The following C2orf80 variants were observed in gnomAD, a reference collection of about 807,000 sequenced individuals.
The protein encoded by C2orf80 is uncharacterized protein C2orf80.
C2orf80 carries 28 observed loss-of-function variants against 30.2 expected under a neutral mutation model. The ratio of observed to expected loss-of-function variants is 0.93; its 90% CI spans 0.69 to 1.27. The LOEUF (loss-of-function observed/expected upper bound fraction) is 1.27, where lower values mean the gene tolerates loss of function less well. Ranked by LOEUF, C2orf80 falls within the 50% of genes most tolerant of loss-of-function variation. C2orf80 has a pLI of 0.00. For missense variants in C2orf80, 220 were observed against 231.0 expected, an observed-to-expected ratio of 0.95 and a Z score of 0.31; for synonymous variants, 80 against 76.4, an observed-to-expected ratio of 1.05 and a Z score of -0.24.
At chr2:208,175,376 A>T (rs1335415617) in intron 6 of C2orf80, among the ~76,000 whole-genome samples, 1 of 152,056 alleles carries the variant, frequency 6.6e-6, no homozygotes, top group African/African-American at 2.4e-5. Context: ...CTTTAGTTGA[A>T]TTTTTTCTAT....
At chr2:208,172,144 G>T in intron 6 of C2orf80, 69 bp from the exon 7 acceptor site, 1 of 1,206,082 alleles carries the variant, frequency 8.3e-7, no homozygotes, top group Non-Finnish European at 1.2e-6. Flanking sequence ...GCTAGTCACA[G>T]CATTTGGCCT....
intron 6 of C2orf80, among the ~76,000 whole-genome samples, chr2:208,176,964 TGTATAC>T (rs1696354593): frequency 1.5e-5 from 1 of 65,414 alleles, no homozygotes. Context: ...TGTATACATA[TGTATAC>T]ATATATACAG....
chr2:208,176,970 CATATATACAGAAATGTATA>C (rs1559340640), intron 6 of C2orf80, among the ~76,000 whole-genome samples: 3 of 91,950 alleles, frequency 3.3e-5, no homozygotes, highest in African/African-American at 7.4e-5. Context: ...CATATGTATA[CATATATACAGAAATGTATA>C]TGTATACATA....
chr2:208,175,481 A>G (rs1181453933), intron 6 of C2orf80, among the ~76,000 whole-genome samples: 1 of 152,150 alleles, frequency 6.6e-6, no homozygotes, highest in African/African-American at 2.4e-5. Flanking sequence ...TAGGTGAGCA[A>G]TCCCGCGCCT....
chr2:208,177,800 C>CTTTATTTATTTA (rs371898869), intron 6 of C2orf80, among the ~76,000 whole-genome samples: 20 of 147,172 alleles, frequency 1.4e-4, no homozygotes, highest in East Asian at 4.1e-4. Context: ...CTTCTAGCAC[C>CTTTATTTATTTA]TTTATTTATT....
intron 6 of C2orf80, among the ~76,000 whole-genome samples, chr2:208,178,109 C>T (rs189068643): frequency 2.0e-5 from 3 of 152,142 alleles, no homozygotes; most frequent in Non-Finnish European, 2.9e-5. Context: ...TGAGCTACCG[C>T]GCCCAGCCTT....
intron 2 of C2orf80, 95 bp from the exon 3 acceptor site, chr2:208,185,127 C>A (rs939755976): frequency 1.2e-5 from 9 of 773,896 alleles, no homozygotes; most frequent in Non-Finnish European, 1.7e-5. Context: ...CCTCCCCCAC[C>A]AAAATACAAG....
intron 6 of C2orf80, among the ~76,000 whole-genome samples, chr2:208,176,318 G>A (rs996549816): frequency 6.6e-6 from 1 of 152,144 alleles, no homozygotes; most frequent in African/African-American, 2.4e-5. Flanking sequence ...TGGGATTACA[G>A]GAGCCCACCA....
intron 6 of C2orf80, among the ~76,000 whole-genome samples, chr2:208,175,217 G>C (rs902231052): frequency 1.1e-4 from 11 of 95,868 alleles, no homozygotes; most frequent in South Asian, 1.1e-3. Context: ...ACCCCGGGGG[G>C]GGGGGGGGCG....
intron 8 of C2orf80, among the ~76,000 whole-genome samples, chr2:208,170,685 T>G (rs1696069678): frequency 6.6e-6 from 1 of 152,320 alleles, no homozygotes. Context: ...TGTTCTAACC[T>G]TTTAACATGA....
chr2:208,174,504 A>T (rs1283195462), intron 6 of C2orf80, among the ~76,000 whole-genome samples: 1 of 152,122 alleles, frequency 6.6e-6, no homozygotes, highest in Non-Finnish European at 1.5e-5. Context: ...TAACAGCACT[A>T]ATATGGAAGG....
At chr2:208,176,941 C>CTGTA (rs1553597397) in intron 6 of C2orf80, among the ~76,000 whole-genome samples, 3 of 30,220 alleles carry the variant, frequency 9.9e-5, no homozygotes, top group Admixed American at 4.5e-4. Flanking sequence ...GTATACATAT[C>CTGTA]TGTATACATA....
chr2:208,171,169 A>C, intron 7 of C2orf80, 106 bp from the exon 8 acceptor site: 2 of 801,842 alleles, frequency 2.5e-6, no homozygotes, highest in Non-Finnish European at 4.1e-6. Context: ...TTTTTGAGAC[A>C]GGGTCTCACT....
At chr2:208,167,716 A>C (rs1443752590) in intron 8 of C2orf80, among the ~76,000 whole-genome samples, 1 of 151,666 alleles carries the variant, frequency 6.6e-6, no homozygotes, top group African/African-American at 2.4e-5. Context: ...AGCTGGGATT[A>C]TAGGCGTGCA....
intron 6 of C2orf80, among the ~76,000 whole-genome samples, chr2:208,176,900 CATATCTGTGTAT>C (rs1220928128): frequency 5.7e-4 from 9 of 15,698 alleles, no homozygotes; most frequent in African/African-American, 3.1e-3. Flanking sequence ...TATATATATA[CATATCTGTGTAT>C]ACATATCTGT....
At chr2:208,181,987 C>A (rs1158289002) in intron 4 of C2orf80, among the ~76,000 whole-genome samples, 1 of 152,138 alleles carries the variant, frequency 6.6e-6, no homozygotes, top group Non-Finnish European at 1.5e-5. Flanking sequence ...AAAATCTACT[C>A]CCCAGCTTTT....
At chr2:208,177,277 C>T (rs531992059) in intron 6 of C2orf80, among the ~76,000 whole-genome samples, 57 of 151,552 alleles carry the variant, frequency 3.8e-4, no homozygotes, top group East Asian at 5.8e-4. Context: ...CGTGGTGGCT[C>T]ACGCCTGTAA....
At chr2:208,178,637 G>T (rs1267661786) in intron 6 of C2orf80, among the ~76,000 whole-genome samples, 1 of 152,086 alleles carries the variant, frequency 6.6e-6, no homozygotes. Flanking sequence ...ATCTTGGCTG[G>T]GTGTGGTGAT....
In C2orf80 at chr2:208,165,451, T is replaced by A. The variant is rs1574349997; in HGVS notation, c.*356A>T. ...TTAATTTTATTTTGGATTAACTCTT[T>A]GGAAATCTGCCTCCCACTCCATCAC... On this transcript the variant is annotated 3_prime_UTR_variant, in exon 9 of 9. Coordinates refer to ENST00000341287, the MANE Select transcript of C2orf80 (RefSeq NM_001099334.3). 5.1e-6 allele frequency: 1 copy of A among 194,246 alleles called. No homozygotes were observed. Among genetic ancestry groups the A allele is most frequent in the East Asian group, 1.3e-4 (1 of 7,920 alleles). The allele number at this position is 194,246 out of a possible 1,614,324, so 12.0% of individuals were successfully genotyped here.
Sources: allele counts gnomAD v4.1 joint callset (sites outside exome capture counted in the v4.1 genomes callset), GRCh38; gene constraint gnomAD v4.1.1; transcripts MANE v1.5; gene names NCBI Gene and HGNC (gene_info 2026-07-23, HGNC 2026-07-21).